Variants in DSTYK observed in about 807,000 individuals in gnomAD.
DSTYK encodes the protein RIP-homologous kinase.
Under a neutral mutation model 98.7 loss-of-function variants are expected in DSTYK, and 34 were observed. That is an observed-to-expected ratio of 0.34 (90% CI 0.26 to 0.46). The LOEUF (loss-of-function observed/expected upper bound fraction) is 0.46, where lower values mean the gene tolerates loss of function less well. DSTYK is among the 20% of genes least tolerant of loss of function. The probability of loss-of-function intolerance (pLI) is 1.00; values close to 1 mark genes in which losing one functional copy is unlikely to be tolerated. For missense variants in DSTYK, 962 were observed against 1,181.7 expected (o/e 0.81, Z 2.73); for synonymous variants, 462 against 457.3 (o/e 1.01, Z -0.13).
chr1:205,178,029 CA>C (rs774188141), intron 2 of DSTYK, among the ~76,000 whole-genome samples: 39 of 152,046 alleles, frequency 2.6e-4, no homozygotes, highest in Non-Finnish European at 4.4e-4. Flanking sequence ...TCCCAGTAGT[CA>C]ACATTGAATG....
At position 205,169,234 on chromosome 1, in the gene DSTYK, T is replaced by C. The variant is rs555607162; in HGVS notation, c.1253A>G (p.Asp418Gly). 2.5e-6 allele frequency: 4 copies of C among 1,613,924 alleles called. No homozygotes were observed. In the Admixed American group the frequency reaches 6.7e-5, roughly 27 times the overall value. ...GGTATTAAGTGTCTCAACAATCATA[T>C]CCTTCATTTCCTCCTGCTTTCGGTT... The part of the protein sequence containing the change: ...IANRKQEEMK[D>G]MIVETLNTMK... The change falls in exon 3 of 13, where the codon GAT (aspartate) becomes GGT (glycine). Residue 418 changes from aspartate (D) to glycine (G), a missense_variant. Asp to Gly is a moderately conservative substitution (Grantham distance 94). This residue lies in a region of DSTYK where 660 missense variants were observed against 855.0 expected (regional missense o/e 0.77). Coordinates refer to ENST00000367162, the MANE Select transcript of DSTYK (RefSeq NM_015375.3). This position sits in a 1 kb window ranked among gnomAD's most constrained non-coding sequence, Gnocchi z 4.0.
intron 1 of DSTYK, among the ~76,000 whole-genome samples, chr1:205,194,149 G>A (rs1658793826): frequency 6.6e-6 from 1 of 152,274 alleles, no homozygotes; most frequent in East Asian, 1.9e-4. Context: ...CATAAAAACA[G>A]TTTTCCCTGG....
intron 2 of DSTYK, among the ~76,000 whole-genome samples, chr1:205,181,218 C>T (rs1234096599): frequency 2.0e-5 from 3 of 152,156 alleles, no homozygotes; most frequent in Non-Finnish European, 4.4e-5. Flanking sequence ...CTCCTTCCTC[C>T]AACAGTATCT....
chr1:205,181,937 T>C (rs1396395147), intron 2 of DSTYK, among the ~76,000 whole-genome samples: 1 of 152,116 alleles, frequency 6.6e-6, no homozygotes, highest in Non-Finnish European at 1.5e-5. Context: ...GCCAGTTTTC[T>C]AGCAACAAAC....
At chr1:205,211,214 G>T in intron 1 of DSTYK, 57 bp downstream of exon 1, 1 of 1,527,176 alleles carries the variant, frequency 6.5e-7, no homozygotes, top group Non-Finnish European at 8.7e-7. Context: ...GCAGGGGTGC[G>T]GTCCGTCCTC....
intron 1 of DSTYK, among the ~76,000 whole-genome samples, chr1:205,205,310 C>T (rs1659166706): frequency 6.6e-6 from 1 of 152,114 alleles, no homozygotes. Flanking sequence ...GATGACAGCT[C>T]TATAAAATGA....
intron 1 of DSTYK, among the ~76,000 whole-genome samples, chr1:205,206,540 A>G (rs1659207922): frequency 6.6e-6 from 1 of 150,910 alleles, no homozygotes; most frequent in Non-Finnish European, 1.5e-5. Context: ...CAGCCTGCCA[A>G]AGTGTTGGGA....
intron 1 of DSTYK, chr1:205,202,138 A>C (rs1209068223): frequency 8.1e-6 from 4 of 492,202 alleles, no homozygotes; most frequent in East Asian, 5.5e-5. Flanking sequence ...GGGAAGGGGA[A>C]GGGGAAGGGG....
At chr1:205,210,851 C>A (rs1275745568) in intron 1 of DSTYK, among the ~76,000 whole-genome samples, 1 of 152,252 alleles carries the variant, frequency 6.6e-6, no homozygotes, top group Admixed American at 6.5e-5. Context: ...TCCCGGGACT[C>A]GCTGCCGCCT....
rs76346293 is a variant in DSTYK at position 205,169,862 on chromosome 1, G to A, written c.655-30C>T. ...AAGGGGAAGGGGGTCATATATCAGC[G>A]CCTCAGGGTCAGAACCAATCCCTGT... On this transcript the variant is annotated intron_variant, in intron 2 of 12. Transcript: ENST00000367162. The surrounding 1 kb of genome is among the most constrained non-coding windows in gnomAD (Gnocchi z 4.0). The A allele has an allele frequency of 0.02, 31,598 of 1,579,464 alleles. 544 individuals are homozygous for A. Among genetic ancestry groups the A allele is most frequent in the East Asian group, 0.063 (2,805 of 44,614 alleles).
chr1:205,163,687 T>C, intron 4 of DSTYK, 36 bp downstream of exon 4: 1 of 1,548,968 alleles, frequency 6.5e-7, no homozygotes, highest in Non-Finnish European at 8.9e-7. Flanking sequence ...ATGTGCTATC[T>C]ATGACACGAT....
In DSTYK at chr1:205,144,583, ACT is replaced by A. The variant is rs1013121531; in HGVS notation, c.*2973_*2974del. 165 of 152,686 alleles carry A rather than the reference ACT, an allele frequency of 1.1e-3. 1 individual carries two copies. Among genetic ancestry groups the A allele is most frequent in the African/African-American group, 3.7e-3 (155 of 41,544 alleles). 9.5% of individuals were successfully genotyped at this position (152,686 alleles called of 1,614,324 possible). On this transcript the variant is annotated 3_prime_UTR_variant, in exon 13 of 13. Coordinates refer to ENST00000367162, the MANE Select transcript of DSTYK (RefSeq NM_015375.3). ...TATAAAACAAAAGCAAAGTATACAC[ACT>A]CTATACACACGTATACCTGCACTCA...
At chr1:205,161,879 T>C (rs1404122047) in intron 6 of DSTYK, among the ~76,000 whole-genome samples, 157 bp downstream of exon 6, 1 of 150,834 alleles carries the variant, frequency 6.6e-6, no homozygotes, top group Non-Finnish European at 1.5e-5. Flanking sequence ...GATTTTAATA[T>C]ACATATGTGT....
intron 6 of DSTYK, 65 bp downstream of exon 6, chr1:205,161,971 T>C: frequency 2.0e-6 from 3 of 1,534,110 alleles, no homozygotes; most frequent in Non-Finnish European, 1.8e-6. Flanking sequence ...GAGAGCGAAA[T>C]ATTCCCATCT....
intron 2 of DSTYK, among the ~76,000 whole-genome samples, chr1:205,171,622 C>CA (rs1658067625): frequency 6.6e-6 from 1 of 152,120 alleles, no homozygotes; most frequent in Admixed American, 6.5e-5. Flanking sequence ...ATCCATTGCA[C>CA]AGGTTGTTCC....
chr1:205,203,065 C>T (rs1320730569), intron 1 of DSTYK, among the ~76,000 whole-genome samples: 3 of 152,128 alleles, frequency 2.0e-5, no homozygotes, highest in Non-Finnish European at 4.4e-5. Flanking sequence ...TTATTTAAAT[C>T]CATGCCTTCT....
rs1288595489 is a variant in DSTYK, at chr1:205,163,303, TC to T, written c.1558-298del. 1.2e-4 allele frequency among the ~76,000 whole-genome samples: 18 copies of T among 152,232 alleles called. 1 individual carries two copies. In the East Asian group the frequency reaches 3.5e-3, roughly 29 times the overall value. On this transcript the variant is annotated intron_variant, in intron 4 of 12. Coordinates refer to ENST00000367162, the MANE Select transcript of DSTYK (RefSeq NM_015375.3). ...GGCGTGATCTTGGCTCACCGAAACC[TC>T]TGCCTCCCAGGTTCAAGCGATTCTC...
chr1:205,190,942 G>A (rs1448097631), intron 1 of DSTYK, among the ~76,000 whole-genome samples: 4 of 152,204 alleles, frequency 2.6e-5, no homozygotes, highest in Admixed American at 1.3e-4. Context: ...TTTTCAGGAC[G>A]AGAGGGAGAG....
intron 1 of DSTYK, among the ~76,000 whole-genome samples, chr1:205,206,669 G>A (rs1268249807): frequency 6.8e-6 from 1 of 147,626 alleles, no homozygotes; most frequent in Non-Finnish European, 1.5e-5. Flanking sequence ...TGCAACCTCC[G>A]CCTCCCAGAT....
Sources: gnomAD v4.1 joint callset for allele counts (sites outside exome capture counted in the v4.1 genomes callset) on GRCh38, gnomAD v4.1.1 for gene constraint, gnomAD v4.1.1 regional missense constraint, Gnocchi (gnomAD v3.1) non-coding constraint, MANE v1.5 for transcripts, NCBI Gene and HGNC (gene_info 2026-07-23, HGNC 2026-07-21) for gene names.